Variants in ASMT observed in about 807,000 individuals in gnomAD.
The protein encoded by ASMT is acetylserotonin N-methyltransferase.
ASMT carries 53 observed loss-of-function variants against 41.3 expected under a neutral mutation model. The ratio of observed to expected loss-of-function variants is 1.28; its 90% CI spans 1.03 to 1.61. The LOEUF (loss-of-function observed/expected upper bound fraction) is 1.61, where lower values mean the gene tolerates loss of function less well. Ranked by LOEUF, ASMT falls within the 40% of genes most tolerant of loss-of-function variation. The pLI is 0.00. For synonymous variants in ASMT, 231 were observed against 184.8 expected (o/e 1.25, Z -2.03); for missense variants, 531 against 441.3 (o/e 1.20, Z -1.82).
intron 3 of ASMT, 33 bp from the exon 4 acceptor site, chrX:1,627,658 TGAAATGAAATGA>T: frequency 7.0e-7 from 1 of 1,424,110 alleles, no homozygotes; most frequent in Non-Finnish European, 9.9e-7. Flanking sequence ...TGAAATGAAA[TGAAATGAAATGA>T]AATGAAAATC....
At chrX:1,617,401 G>T (rs184534621) in intron 1 of ASMT, among the ~76,000 whole-genome samples, 73 of 151,460 alleles carry the variant, frequency 4.8e-4, no homozygotes, top group African/African-American at 1.6e-3. Flanking sequence ...ACCCGGAGGA[G>T]GTAGAGGTTG....
In ASMT at chrX:1,620,860, G is replaced by C. The variant is rs749309439; in HGVS notation, c.70-2279G>C. On this transcript the variant is annotated intron_variant, in intron 1 of 8. Transcript: ENST00000381241. Reference sequence around the variant, plus strand: ...GGCGTGATCGTGCCACTGCACTCCAGCCTGGCGACAGAGCGAGACTCTGTC... The same window carrying C: ...GGCGTGATCGTGCCACTGCACTCCACCCTGGCGACAGAGCGAGACTCTGTC... Among the ~76,000 whole-genome samples the C allele has an allele frequency of 4.6e-5, 7 of 152,058 alleles. No homozygotes were observed. The South Asian group carries it at 6.3e-4, about 14-fold the overall frequency.
chrX:1,633,822 T>C (rs1229382114), intron 7 of ASMT, among the ~76,000 whole-genome samples: 1 of 152,128 alleles, frequency 6.6e-6, no homozygotes, highest in East Asian at 1.9e-4. Context: ...ATATTTTTAG[T>C]AGAGGTGGAG....
chrX:1,633,874 G>A (rs183431702), intron 7 of ASMT, among the ~76,000 whole-genome samples: 17 of 152,250 alleles, frequency 1.1e-4, no homozygotes, highest in Non-Finnish European at 2.2e-4. Context: ...TCCTGACCGC[G>A]TGATCCGCCC....
intron 1 of ASMT, among the ~76,000 whole-genome samples, chrX:1,622,921 AAATT>A (rs1352132176): frequency 3.9e-5 from 6 of 151,930 alleles, no homozygotes; most frequent in Admixed American, 1.3e-4. Context: ...CAAAATAAAT[AAATT>A]AATTAATTAA....
At chrX:1,626,173 T>C (rs1369893480) in intron 3 of ASMT, among the ~76,000 whole-genome samples, 2 of 151,874 alleles carry the variant, frequency 1.3e-5, no homozygotes, top group African/African-American at 4.8e-5. Context: ...CAGGTAGCTT[T>C]ACAGGAGTAT....
At chrX:1,640,542 G>C (rs1468499218) in intron 8 of ASMT, among the ~76,000 whole-genome samples, 5 of 53,514 alleles carry the variant, frequency 9.3e-5, no homozygotes, top group African/African-American at 6.4e-4. Flanking sequence ...GTGTATGATG[G>C]GGACAGTGTC....
Position 1,616,543 on chromosome X carries a change from G to A in ASMT, c.69+1275G>A, listed in dbSNP as rs185791153. 1.9e-3 allele frequency among the ~76,000 whole-genome samples: 283 copies of A among 151,332 alleles called. 2 individuals are homozygous for A. The highest frequency in any genetic ancestry group is 6.2e-3 in the African/African-American group (259 of 41,468). On this transcript the variant is annotated intron_variant, in intron 1 of 8. Transcript: ENST00000381241. ...GGAAGTGCTGGCTATACAACATCAC[G>A]AATGTACTAAGTGCCCCTGAATTAT...
Position 1,636,538 on chromosome X carries a change from G to T in ASMT, c.888G>T (p.Arg296Ser). 6.2e-7 allele frequency: 1 copy of T among 1,613,396 alleles called. No homozygotes were observed. Among genetic ancestry groups the T allele is most frequent in the Non-Finnish European group, 8.5e-7 (1 of 1,179,822 alleles). ...ADGKCSHLLE[R>S]IYHTCKPGGG... Reference sequence around the variant, plus strand: ...GAAAGTGCTCACACCTGCTGGAGAGGATCTACCACACTTGCAAGCCAGGTA... The same window carrying T: ...GAAAGTGCTCACACCTGCTGGAGAGTATCTACCACACTTGCAAGCCAGGTA... The change falls in exon 8 of 9, where the codon AGG (arginine) becomes AGT (serine). Residue 296 changes from arginine (R) to serine (S), a missense_variant. Transcript: ENST00000381241.
At chrX:1,627,842 C>T in intron 4 of ASMT, 71 bp downstream of exon 4, 1 of 1,441,874 alleles carries the variant, frequency 6.9e-7, no homozygotes, top group Admixed American at 1.7e-5. Flanking sequence ...TTAGGAAACC[C>T]AATCCATTTA....
At chrX:1,622,892 A>T (rs2149462596) in intron 1 of ASMT, among the ~76,000 whole-genome samples, 1 of 152,126 alleles carries the variant, frequency 6.6e-6, no homozygotes, top group East Asian at 1.9e-4. Flanking sequence ...AGCCTGGGTG[A>T]TACAGTGAGA....
intron 1 of ASMT, among the ~76,000 whole-genome samples, chrX:1,620,042 G>A (rs1270699698): frequency 2.6e-4 from 40 of 150,952 alleles, no homozygotes; most frequent in African/African-American, 6.8e-4. Context: ...GCTGTGAGCC[G>A]AGATCGCACC....
At chrX:1,632,901 A>G (rs1934830936) in intron 6 of ASMT, 114 bp downstream of exon 6, 2 of 595,016 alleles carry the variant, frequency 3.4e-6, no homozygotes, top group African/African-American at 1.9e-5. Flanking sequence ...TAGGACAAAT[A>G]CCTAATGTAA....
intron 4 of ASMT, among the ~76,000 whole-genome samples, chrX:1,628,806 C>G (rs1222129086): frequency 9.4e-6 from 1 of 106,494 alleles, no homozygotes; most frequent in African/African-American, 3.8e-5. Context: ...CTTCACCTGC[C>G]TCTCTCCTTC....
Position 1,615,138 on chromosome X carries a change from T to G in ASMT, c.-62T>G. Reference sequence around the variant, plus strand: ...GCTCTTCCCCACCTTGCCAGCAGGCTCTGTGCTCCTTGAAGCAAGCGCTCC... The same window carrying G: ...GCTCTTCCCCACCTTGCCAGCAGGCGCTGTGCTCCTTGAAGCAAGCGCTCC... On this transcript the variant is annotated 5_prime_UTR_variant, in exon 1 of 9. Coordinates refer to ENST00000381241, the MANE Select transcript of ASMT (RefSeq NM_001171038.2). 1 of 1,489,354 alleles carries G rather than the reference T, an allele frequency of 6.7e-7. No homozygotes were observed. The highest frequency in any genetic ancestry group is 1.7e-4 in the Middle Eastern group (1 of 5,758). 92.3% of individuals were successfully genotyped at this position (1,489,354 alleles called of 1,614,324 possible). A position where few individuals can be genotyped will look rare whatever the true frequency, so the allele number is the denominator to read the frequency against.
chrX:1,623,281 A>G lies in ASMT; in HGVS notation c.212A>G (p.Lys71Arg), dbSNP rs748721094. ...CTGCTGGACATCTGTGTGTCCCTGAAGCTGCTGAAAGTGGAGACGAGGGGA... is the reference window on the plus strand; with the variant it reads ...CTGCTGGACATCTGTGTGTCCCTGAGGCTGCTGAAAGTGGAGACGAGGGGA... ...ELLLDICVSL[K>R]LLKVETRGGK... is the part of the protein sequence containing the mutation. The change falls in exon 2 of 9, where the codon AAG becomes AGG. Residue 71 changes from lysine to arginine, a missense_variant. Physicochemically the swap from Lys to Arg is conservative, Grantham distance 26 (BLOSUM62 2). Coordinates refer to ENST00000381241, the MANE Select transcript of ASMT (RefSeq NM_001171038.2). 6.2e-7 allele frequency: 1 copy of G among 1,613,942 alleles called. No homozygotes were observed. The highest frequency in any genetic ancestry group is 1.1e-5 in the South Asian group (1 of 91,074).
intron 1 of ASMT, among the ~76,000 whole-genome samples, chrX:1,616,972 T>C (rs1478272562): frequency 6.6e-6 from 1 of 151,964 alleles, no homozygotes; most frequent in Non-Finnish European, 1.5e-5. Flanking sequence ...CCTCCCAAAG[T>C]GCTGGGATTA....
At position 1,642,805 on chromosome X, in the gene ASMT, G is replaced by A. The variant is rs1300563333; in HGVS notation, c.913G>A (p.Gly305Ser). Residue 305 changes from glycine (G) to serine (S), a missense_variant and splice_region_variant, in exon 9 of 9, where the codon GGT becomes AGT. Transcript: ENST00000381241. ...ERIYHTCKPG[G>S]GILVIESLLD... Reference sequence around the variant, plus strand: ...GGACTGTGCCCCTCCCTTTCTAGGTGGTGGCATTCTGGTAATTGAAAGCCT... The same window carrying A: ...GGACTGTGCCCCTCCCTTTCTAGGTAGTGGCATTCTGGTAATTGAAAGCCT... The A allele has an allele frequency of 3.1e-6, 5 of 1,613,302 alleles. No homozygotes were observed. Among genetic ancestry groups the A allele is most frequent in the East Asian group, 2.2e-5 (1 of 44,896 alleles).
chrX:1,627,304 C>T (rs755786945), intron 3 of ASMT, among the ~76,000 whole-genome samples: 279 of 149,998 alleles, frequency 1.9e-3, no homozygotes, highest in Middle Eastern at 0.01. Flanking sequence ...CCAGCCTGGG[C>T]GACACAGCGA....
Sources: allele counts gnomAD v4.1 joint callset (sites outside exome capture counted in the v4.1 genomes callset), GRCh38; gene constraint gnomAD v4.1.1; transcripts MANE v1.5; gene names NCBI Gene and HGNC (gene_info 2026-07-23, HGNC 2026-07-21).